The following B4GALT5 variants were observed in gnomAD, a reference collection of about 807,000 sequenced individuals.
B4GALT5 encodes the protein UDP-Gal:beta-GlcNAc beta-1,4-galactosyltransferase 5.
Under a neutral mutation model 45.0 loss-of-function variants are expected in B4GALT5, and 11 were observed. The ratio of observed to expected loss-of-function variants is 0.24; its 90% CI spans 0.15 to 0.40. The LOEUF is 0.40. Among genes scored for constraint, B4GALT5 ranks in the 10% least tolerant of loss-of-function variants. The pLI is 1.00. For missense variants in B4GALT5, 337 were observed against 500.2 expected (o/e 0.67, Z 3.11); for synonymous variants, 185 against 182.9 (o/e 1.01, Z -0.09).
chr20:49,707,513 A>G (rs553173816), intron 1 of B4GALT5, among the ~76,000 whole-genome samples: 165 of 152,284 alleles, frequency 1.1e-3, no homozygotes, highest in Non-Finnish European at 1.9e-3. Context: ...ATGTCAAGAA[A>G]AAAAAAAGGC....
At chr20:49,711,093 A>T (rs1020202276) in intron 1 of B4GALT5, among the ~76,000 whole-genome samples, 8 of 151,782 alleles carry the variant, frequency 5.3e-5, no homozygotes, top group African/African-American at 1.9e-4. Context: ...AAAAAAAAAA[A>T]ATTAGTAGGA....
intron 2 of B4GALT5, among the ~76,000 whole-genome samples, chr20:49,654,383 T>C (rs1459937384): frequency 6.6e-6 from 1 of 152,222 alleles, no homozygotes; most frequent in Non-Finnish European, 1.5e-5. Context: ...AGACGGAAAC[T>C]GCAGGGTTTC....
chr20:49,707,460 A>G (rs1267225487), intron 1 of B4GALT5, among the ~76,000 whole-genome samples: 1 of 152,156 alleles, frequency 6.6e-6, no homozygotes, highest in African/African-American at 2.4e-5. Flanking sequence ...CATTCTAGAA[A>G]GCTCAGAAAC....
chr20:49,675,641 A>G (rs776912852), intron 1 of B4GALT5, among the ~76,000 whole-genome samples: 77 of 152,266 alleles, frequency 5.1e-4, no homozygotes, highest in Non-Finnish European at 6.9e-4. Context: ...ACAACTACCC[A>G]AGCAAATATC....
chr20:49,634,876 CA>C lies in B4GALT5; in HGVS notation c.*1435del, dbSNP rs2122986225. 1 of 152,306 alleles carries C rather than the reference CA, an allele frequency of 6.6e-6. No individual in the cohort carries two copies. Among genetic ancestry groups the C allele is most frequent in the East Asian group, 1.9e-4 (1 of 5,176 alleles). 9.4% of individuals were successfully genotyped at this position (152,306 alleles called of 1,614,324 possible). On this transcript the variant is annotated 3_prime_UTR_variant, in exon 9 of 9. Coordinates refer to ENST00000371711, the MANE Select transcript of B4GALT5 (RefSeq NM_004776.4). ...AGCCAGACCGTCTTAAAAAACAAAA[CA>C]AAAAATAATATGACTTCAAAATGCA...
intron 1 of B4GALT5, among the ~76,000 whole-genome samples, chr20:49,663,675 G>GAAAAAAAA (rs869246702): frequency 3.3e-4 from 1 of 3,012 alleles, no homozygotes; most frequent in African/African-American, 8.4e-4. Context: ...TTCATCTCAA[G>GAAAAAAAA]AAAAAAAAAA....
At chr20:49,651,029 A>T (rs1291325509) in intron 2 of B4GALT5, among the ~76,000 whole-genome samples, 11 of 152,214 alleles carry the variant, frequency 7.2e-5, no homozygotes, top group Non-Finnish European at 5.9e-5. Flanking sequence ...GGGCGCGGTG[A>T]TCTCTGCATT....
At chr20:49,656,129 C>T (rs1476722853) in intron 2 of B4GALT5, among the ~76,000 whole-genome samples, 1 of 152,058 alleles carries the variant, frequency 6.6e-6, no homozygotes, top group Non-Finnish European at 1.5e-5. Context: ...CCTCTATTAG[C>T]TCCCACAAGA....
intron 4 of B4GALT5, 71 bp downstream of exon 4, chr20:49,643,455 C>T: frequency 1.9e-6 from 3 of 1,578,894 alleles, no homozygotes; most frequent in South Asian, 2.3e-5. Context: ...TAGCTAATCC[C>T]ATGGTGATTC....
chr20:49,680,741 T>C (rs1034871262), intron 1 of B4GALT5, among the ~76,000 whole-genome samples: 3 of 152,122 alleles, frequency 2.0e-5, no homozygotes, highest in African/African-American at 7.2e-5. Context: ...ATATTGAGAA[T>C]GTACTTAACG....
chr20:49,706,098 A>C (rs2085882689), intron 1 of B4GALT5, among the ~76,000 whole-genome samples: 1 of 151,710 alleles, frequency 6.6e-6, no homozygotes, highest in Non-Finnish European at 1.5e-5. Flanking sequence ...AGGGTGAAGC[A>C]GATTGAGAAT....
At chr20:49,678,768 TGA>T (rs138371922) in intron 1 of B4GALT5, among the ~76,000 whole-genome samples, 2,287 of 152,284 alleles carry the variant, frequency 0.015, 57 homozygotes, top group African/African-American at 0.052. Context: ...AAAAACAAGC[TGA>T]GACTCAATCA....
At chr20:49,703,881 T>TC (rs1278220349) in intron 1 of B4GALT5, among the ~76,000 whole-genome samples, 1 of 132,678 alleles carries the variant, frequency 7.5e-6, no homozygotes, top group Non-Finnish European at 1.6e-5. Context: ...TGAGTGAGAC[T>TC]CCATCTCAGG....
chr20:49,642,398 G>A, intron 5 of B4GALT5, 70 bp downstream of exon 5: 2 of 1,172,556 alleles, frequency 1.7e-6, no homozygotes, highest in Non-Finnish European at 2.5e-6. Context: ...ACCAACAGTG[G>A]ATTAGCTTGC....
Position 49,665,352 on chromosome 20 carries a change from G to T in B4GALT5, c.116-8650C>A, listed in dbSNP as rs564734216. Among the ~76,000 whole-genome samples, 195 of 138,982 alleles carry T rather than the reference G, an allele frequency of 1.4e-3. 1 individual carries two copies. The highest frequency in any genetic ancestry group is 5.1e-3 in the African/African-American group (189 of 37,232). The allele number at this position is 138,982 out of a possible 152,430, so 91.2% of individuals were successfully genotyped here. ...TCCTTCGAGCTCAGGAGTTTGAGCT[G>T]CAGTGAGTTATGATCATGTCACTGC... On this transcript the variant is annotated intron_variant, in intron 1 of 8. Coordinates refer to ENST00000371711, the MANE Select transcript of B4GALT5 (RefSeq NM_004776.4).
intron 5 of B4GALT5, among the ~76,000 whole-genome samples, chr20:49,641,476 C>T (rs182482224): frequency 5.4e-4 from 82 of 152,272 alleles, no homozygotes; most frequent in Non-Finnish European, 9.4e-4. Context: ...CATGAAGAAA[C>T]CAGTTCAAAT....
At chr20:49,675,325 G>T (rs1254164873) in intron 1 of B4GALT5, among the ~76,000 whole-genome samples, 1 of 152,292 alleles carries the variant, frequency 6.6e-6, no homozygotes, top group Non-Finnish European at 1.5e-5. Context: ...ACCCTATGCT[G>T]GCAACCACAT....
At chr20:49,686,112 G>A (rs1167878457) in intron 1 of B4GALT5, among the ~76,000 whole-genome samples, 1 of 152,202 alleles carries the variant, frequency 6.6e-6, no homozygotes, top group Non-Finnish European at 1.5e-5. Flanking sequence ...ACCGGAAAAT[G>A]TCCGCAGAAT....
At chr20:49,704,678 C>T (rs1233988323) in intron 1 of B4GALT5, among the ~76,000 whole-genome samples, 1 of 149,444 alleles carries the variant, frequency 6.7e-6, no homozygotes, top group African/African-American at 2.5e-5. Context: ...GAGATCCCGC[C>T]ACTGCACTCC....
Sources: gnomAD v4.1 joint callset for allele counts (sites outside exome capture counted in the v4.1 genomes callset) on GRCh38, gnomAD v4.1.1 for gene constraint, MANE v1.5 for transcripts, NCBI Gene and HGNC (gene_info 2026-07-23, HGNC 2026-07-21) for gene names.